Variants in ITGA1 observed in about 807,000 individuals in gnomAD.
ITGA1 encodes integrin alpha-1.
In ITGA1, 85 loss-of-function variants were observed where a neutral mutation model predicts 145.9. That is an observed-to-expected ratio of 0.58 (90% CI 0.49 to 0.70). ITGA1 has a LOEUF of 0.70. Ranked by LOEUF, ITGA1 falls within the 30% of genes least tolerant of loss-of-function variation. The pLI is 0.00. For synonymous variants in ITGA1, 520 were observed against 495.3 expected, an observed-to-expected ratio of 1.05 and a Z score of -0.66; for missense variants, 1,351 against 1,418.7, an observed-to-expected ratio of 0.95 and a Z score of 0.77.
chr5:52,813,597 AC>A (rs1748717227), intron 1 of ITGA1, among the ~76,000 whole-genome samples: 1 of 152,142 alleles, frequency 6.6e-6, no homozygotes. Flanking sequence ...TGGAATAGCC[AC>A]CCCCAGACAA....
intron 2 of ITGA1, among the ~76,000 whole-genome samples, chr5:52,851,632 G>A (rs1030338220): frequency 2.6e-5 from 4 of 151,706 alleles, no homozygotes; most frequent in South Asian, 2.1e-4. Flanking sequence ...TTGCAAGAAC[G>A]ATGTTGCTAA....
intron 6 of ITGA1, among the ~76,000 whole-genome samples, chr5:52,875,102 T>G (rs1749844648): frequency 6.6e-6 from 1 of 152,194 alleles, no homozygotes; most frequent in African/African-American, 2.4e-5. Context: ...AACCTTACTC[T>G]TTTGCACCAT....
chr5:52,821,722 C>A (rs116406993), intron 1 of ITGA1, among the ~76,000 whole-genome samples: 166 of 152,286 alleles, frequency 1.1e-3, no homozygotes, highest in African/African-American at 3.8e-3. Context: ...GTTCATTTTG[C>A]CCTTGTCCCC....
chr5:52,900,628 A>T (rs992525986), intron 11 of ITGA1, among the ~76,000 whole-genome samples: 1 of 152,240 alleles, frequency 6.6e-6, no homozygotes, highest in Non-Finnish European at 1.5e-5. Flanking sequence ...ATGATACTAA[A>T]GACTTGAAGC....
chr5:52,817,618 T>G (rs574461358), intron 1 of ITGA1, among the ~76,000 whole-genome samples: 3 of 152,256 alleles, frequency 2.0e-5, no homozygotes, highest in Admixed American at 6.5e-5. Context: ...TCTGCAAAAT[T>G]ATACAATTGT....
chr5:52,837,889 G>C (rs773805396), intron 1 of ITGA1, among the ~76,000 whole-genome samples: 1 of 152,116 alleles, frequency 6.6e-6, no homozygotes, highest in Non-Finnish European at 1.5e-5. Flanking sequence ...GCATCAAAAA[G>C]TTATCTCTTT....
intron 24 of ITGA1, among the ~76,000 whole-genome samples, chr5:52,938,166 T>C (rs1052073765): frequency 6.6e-6 from 1 of 152,236 alleles, no homozygotes; most frequent in South Asian, 2.1e-4. Flanking sequence ...GAAATGTTTC[T>C]TACACTTTTC....
intron 2 of ITGA1, among the ~76,000 whole-genome samples, chr5:52,856,249 C>A (rs781688338): frequency 6.6e-6 from 1 of 152,160 alleles, no homozygotes; most frequent in South Asian, 2.1e-4. Context: ...TGTCTCCACA[C>A]TTTTCCCTGG....
At position 52,905,810 on chromosome 5, in the gene ITGA1, A is replaced by G. The variant is rs776260703; in HGVS notation, c.1357A>G (p.Ile453Val). The G allele has an allele frequency of 6.2e-7, 1 of 1,613,788 alleles. No homozygotes were observed. Among genetic ancestry groups the G allele is most frequent in the Non-Finnish European group, 8.5e-7 (1 of 1,179,834 alleles). Residue 453 changes from isoleucine to valine, a missense_variant, in exon 12 of 29, where the codon ATT becomes GTT. Physicochemically the swap from Ile to Val is conservative, Grantham distance 29. Transcript: ENST00000282588. ...ATASSGDVLY[I>V]AGQPRYNHTG... The stretch of plus-strand genomic sequence containing the variant: ...TGCTTCTTCTGGAGATGTGCTCTAT[A>G]TTGCTGGACAGCCTCGGTACAATCA...
chr5:52,876,075 C>T (rs140016289), intron 6 of ITGA1, among the ~76,000 whole-genome samples: 262 of 152,260 alleles, frequency 1.7e-3, no homozygotes, highest in African/African-American at 5.8e-3. Flanking sequence ...AGGATTTTCA[C>T]GTGGGAGAGA....
At chr5:52,918,264 A>C (rs1237707491) in intron 15 of ITGA1, among the ~76,000 whole-genome samples, 1 of 152,202 alleles carries the variant, frequency 6.6e-6, no homozygotes, top group East Asian at 1.9e-4. Flanking sequence ...CATGTCTAGC[A>C]CAATGCCTCA....
chr5:52,865,632 T>G, intron 5 of ITGA1, 58 bp from the exon 6 acceptor site: 1 of 1,390,720 alleles, frequency 7.2e-7, no homozygotes, highest in Non-Finnish European at 9.4e-7. Context: ...TGAAAGCACT[T>G]CATATGCCTC....
rs945124226 is a variant in ITGA1 at position 52,861,331 on chromosome 5, T to G, written c.183-116T>G. On this transcript the variant is annotated intron_variant, in intron 2 of 28. Coordinates refer to ENST00000282588, the MANE Select transcript of ITGA1 (RefSeq NM_181501.2). ...ACATAACATTAAATTACTAATAGCA[T>G]GATTATTATCTGATTATGAGTGTTA... 25 of 659,160 alleles carry G rather than the reference T, an allele frequency of 3.8e-5. No homozygotes were observed. In the Middle Eastern group the frequency reaches 1.7e-3, roughly 44 times the overall value. 40.8% of individuals were successfully genotyped at this position (659,160 alleles called of 1,614,324 possible). A position where few individuals can be genotyped will look rare whatever the true frequency, so the allele number is the denominator to read the frequency against.
intron 1 of ITGA1, among the ~76,000 whole-genome samples, chr5:52,806,288 A>G (rs560307227): frequency 1.7e-3 from 257 of 151,772 alleles, no homozygotes; most frequent in Non-Finnish European, 1.7e-3. Flanking sequence ...TTGTGAATCA[A>G]TTATGCCTTT....
intron 9 of ITGA1, among the ~76,000 whole-genome samples, chr5:52,894,907 A>G (rs1750202819): frequency 6.6e-6 from 1 of 152,176 alleles, no homozygotes; most frequent in Admixed American, 6.5e-5. Context: ...ACAGAAAGGA[A>G]AGATAATTAT....
chr5:52,911,008 GTATATACTATATATAGTATGTATAC>G (rs1561245855), intron 14 of ITGA1, among the ~76,000 whole-genome samples: 13 of 16,496 alleles, frequency 7.9e-4, no homozygotes, highest in African/African-American at 5.9e-3. Context: ...TATGTATACT[GTATATACTATATATAGTATGTATAC>G]TGTATATACT....
chr5:52,811,121 A>G (rs1748677861), intron 1 of ITGA1, among the ~76,000 whole-genome samples: 2 of 152,220 alleles, frequency 1.3e-5, no homozygotes, highest in South Asian at 4.1e-4. Context: ...ACCAAAGATT[A>G]TAATATTAAC....
At position 52,889,108 on chromosome 5, in the gene ITGA1, A is replaced by T. The variant is rs1033023891; in HGVS notation, c.924+1143A>T. 6.3e-5 allele frequency among the ~76,000 whole-genome samples: 7 copies of T among 111,052 alleles called. No individual in the cohort carries two copies. In the South Asian group the frequency reaches 1.1e-3, roughly 18 times the overall value. 72.9% of individuals were successfully genotyped at this position (111,052 alleles called of 152,430 possible). On this transcript the variant is annotated intron_variant, in intron 8 of 28. Transcript: ENST00000282588. ...CAGTTGCTGCTCTAAACTACTATCC[A>T]TTTTTTTTTTTAAATGGAGTCTCGC...
intron 26 of ITGA1, 29 bp downstream of exon 26, chr5:52,939,973 A>G: frequency 9.2e-7 from 1 of 1,083,798 alleles, no homozygotes; most frequent in East Asian, 2.4e-5. Flanking sequence ...CTATGCACTT[A>G]TTGAATAATA....
Sources: gnomAD v4.1 joint callset for allele counts (sites outside exome capture counted in the v4.1 genomes callset) on GRCh38, gnomAD v4.1.1 for gene constraint, MANE v1.5 for transcripts, NCBI Gene and HGNC (gene_info 2026-07-23, HGNC 2026-07-21) for gene names.